MARCHF8: variants seen among roughly 807,000 people sequenced by gnomAD.
MARCHF8 encodes the protein membrane associated ring-CH-type finger 8, also known as E3 ubiquitin-protein ligase MARCHF8.
Under a neutral mutation model 51.6 loss-of-function variants are expected in MARCHF8, and 40 were observed. That is an observed-to-expected ratio of 0.77 (90% CI 0.60 to 1.01). MARCHF8 has a LOEUF of 1.01. Ranked by LOEUF, MARCHF8 falls within the 50% of genes least tolerant of loss-of-function variation. The probability of loss-of-function intolerance (pLI) is 0.00; values close to 1 mark genes in which losing one functional copy is unlikely to be tolerated. For missense variants in MARCHF8, 685 were observed against 708.6 expected (o/e 0.97, Z 0.38); for synonymous variants, 263 against 280.3 (o/e 0.94, Z 0.62).
At chr10:45,515,531 TTA>T (rs1361522270) in intron 2 of MARCHF8, among the ~76,000 whole-genome samples, 1 of 152,236 alleles carries the variant, frequency 6.6e-6, no homozygotes, top group Non-Finnish European at 1.5e-5. Context: ...ACTTCTGAAC[TTA>T]TGTTTTATAA....
intron 1 of MARCHF8, among the ~76,000 whole-genome samples, chr10:45,544,483 C>T (rs1383207114): frequency 6.6e-6 from 1 of 152,114 alleles, no homozygotes; most frequent in East Asian, 1.9e-4. Flanking sequence ...TGTCCACCAA[C>T]TAAAGAATAG....
At chr10:45,535,897 G>A (rs186336782), upstream of MARCHF8, among the ~76,000 whole-genome samples, 6 of 152,268 alleles carry the variant, frequency 3.9e-5, no homozygotes, top group East Asian at 1.2e-3. Flanking sequence ...AAGAGATACT[G>A]CCAAAGCTGG....
intron 1 of MARCHF8, among the ~76,000 whole-genome samples, chr10:45,544,741 A>AAAGGAAATGTCTCT (rs1468495229): frequency 6.6e-6 from 1 of 152,198 alleles, no homozygotes; most frequent in East Asian, 1.9e-4. Flanking sequence ...CTTTGGGGGC[A>AAAGGAAATGTCTCT]AAGGAAATGT....
In MARCHF8 at chr10:45,487,841, T is replaced by C. The variant is rs2043010333; in HGVS notation, c.153+1526A>G. ...ACATTAAAATGGCATATAATGTAACTGTTCATTTCAGAGTATCTAGGAGGC... is the reference window on the plus strand; with the variant it reads ...ACATTAAAATGGCATATAATGTAACCGTTCATTTCAGAGTATCTAGGAGGC... On this transcript the variant is annotated intron_variant, in intron 3 of 7. Coordinates refer to ENST00000453424, the MANE Select transcript of MARCHF8 (RefSeq NM_001282866.2). Among the ~76,000 whole-genome samples, 3 of 152,100 alleles carry C rather than the reference T, an allele frequency of 2.0e-5. No homozygotes were observed. The South Asian group carries it at 6.2e-4, about 32-fold the overall frequency.
At chr10:45,479,345 A>T (rs2042844093) in intron 3 of MARCHF8, among the ~76,000 whole-genome samples, 1 of 152,260 alleles carries the variant, frequency 6.6e-6, no homozygotes, top group Non-Finnish European at 1.5e-5. Context: ...AAATACTGCA[A>T]TATTAATAAA....
At chr10:45,534,627 G>T (rs780571042) in intron 1 of MARCHF8, among the ~76,000 whole-genome samples, 1 of 152,128 alleles carries the variant, frequency 6.6e-6, no homozygotes, top group Non-Finnish European at 1.5e-5. Flanking sequence ...AACAGAAAAT[G>T]GAAGCCTTCA....
At position 45,456,014 on chromosome 10, in the gene MARCHF8, G is replaced by GT. The variant is rs1842593478; in HGVS notation, c.*2224dup. 1 of 152,260 alleles carries GT rather than the reference G, an allele frequency of 6.6e-6. No homozygotes were observed. Among genetic ancestry groups the GT allele is most frequent in the Non-Finnish European group, 1.5e-5 (1 of 68,050 alleles). The allele number at this position is 152,260 out of a possible 1,614,324, so 9.4% of individuals were successfully genotyped here. A position where few individuals can be genotyped will look rare whatever the true frequency, so the allele number is the denominator to read the frequency against. ...ACTTTCTTGTCTACAGGAAGTCTTG[G>GT]TGCTTTTCAAGTTCAGCATAAGGGG... On this transcript the variant is annotated 3_prime_UTR_variant, in exon 8 of 8. Transcript: ENST00000453424.
chr10:45,482,627 ACCTGTAATCT>A (rs927174423), intron 3 of MARCHF8, among the ~76,000 whole-genome samples: 1 of 152,142 alleles, frequency 6.6e-6, no homozygotes, highest in African/African-American at 2.4e-5. Flanking sequence ...GGTGGTATGC[ACCTGTAATCT>A]CAGCTAATCA....
intron 1 of MARCHF8, among the ~76,000 whole-genome samples, chr10:45,568,728 A>C (rs980453752): frequency 7.6e-4 from 102 of 133,864 alleles, no homozygotes; most frequent in Non-Finnish European, 6.8e-4. Flanking sequence ...AAAAAAAAAA[A>C]AAAAAAAAAA....
Position 45,523,486 on chromosome 10 carries a change from T to A in MARCHF8, c.102+9624A>T, listed in dbSNP as rs191678210. ...CTGCAGTGAGCTATGATCATGCCAC[T>A]GCACTCCAGCCTGTGAGAGTGAGAC... On this transcript the variant is annotated intron_variant, in intron 2 of 7. Coordinates refer to ENST00000453424, the MANE Select transcript of MARCHF8 (RefSeq NM_001282866.2). Among the ~76,000 whole-genome samples, 324 of 152,344 alleles carry A rather than the reference T, an allele frequency of 2.1e-3. 2 individuals carry two copies. The highest frequency in any genetic ancestry group is 7.4e-3 in the African/African-American group (309 of 41,576).
At chr10:45,511,166 A>T (rs1014769149) in intron 2 of MARCHF8, among the ~76,000 whole-genome samples, 3 of 152,270 alleles carry the variant, frequency 2.0e-5, no homozygotes, top group Admixed American at 2.0e-4. Context: ...TTTTCTGAAT[A>T]TGAAGTAAGG....
In MARCHF8 at chr10:45,455,746, A is replaced by T. The variant is rs1216525904; in HGVS notation, c.*2493T>A. On this transcript the variant is annotated 3_prime_UTR_variant, in exon 8 of 8. Transcript: ENST00000453424. ...CAGGAGCTGAACTAGAACCTTCAAG[A>T]AAAGAAAAGGCAAGGGGGTGGCTCT... 6.6e-6 allele frequency: 1 copy of T among 152,402 alleles called. No homozygotes were observed. The highest frequency in any genetic ancestry group is 1.5e-5 in the Non-Finnish European group (1 of 68,194). The allele number at this position is 152,402 out of a possible 1,614,324, so 9.4% of individuals were successfully genotyped here. A position where few individuals can be genotyped will look rare whatever the true frequency, so the allele number is the denominator to read the frequency against.
At chr10:45,536,792 T>C (rs2043976523), upstream of MARCHF8, among the ~76,000 whole-genome samples, 1 of 147,904 alleles carries the variant, frequency 6.8e-6, no homozygotes, top group Non-Finnish European at 1.5e-5. Flanking sequence ...GGCCAGGAGT[T>C]CAAAACCAGT....
At chr10:45,498,810 A>C (rs1254916566) in intron 2 of MARCHF8, among the ~76,000 whole-genome samples, 1 of 152,210 alleles carries the variant, frequency 6.6e-6, no homozygotes, top group African/African-American at 2.4e-5. Context: ...ATGTGAAACT[A>C]TATGCAATAA....
intron 1 of MARCHF8, among the ~76,000 whole-genome samples, chr10:45,562,999 C>T (rs2044327487): frequency 2.0e-5 from 3 of 151,026 alleles, no homozygotes; most frequent in African/African-American, 7.3e-5. Context: ...CACATATATA[C>T]AGTCTCTCTC....
At chr10:45,548,881 G>C (rs2044160467) in intron 1 of MARCHF8, among the ~76,000 whole-genome samples, 1 of 151,796 alleles carries the variant, frequency 6.6e-6, no homozygotes. Flanking sequence ...TGTAATCCCA[G>C]CTACTCAGGA....
chr10:45,481,237 G>T lies in MARCHF8; in HGVS notation c.153+8130C>A, dbSNP rs528805293. Among the ~76,000 whole-genome samples, 180 of 152,308 alleles carry T rather than the reference G, an allele frequency of 1.2e-3. 1 individual carries two copies. The highest frequency in any genetic ancestry group is 3.8e-3 in the African/African-American group (160 of 41,582). On this transcript the variant is annotated intron_variant, in intron 3 of 7. Transcript: ENST00000453424. ...ATTGTATCTAGAAACTAACTAACTT[G>T]ATTTTGATTTTACAGGCTCACAGGT...
intron 3 of MARCHF8, among the ~76,000 whole-genome samples, chr10:45,479,463 T>C (rs952637266): frequency 6.6e-6 from 1 of 152,176 alleles, no homozygotes; most frequent in Non-Finnish European, 1.5e-5. Flanking sequence ...GCTGATATGA[T>C]TTGGCTGTGT....
intron 1 of MARCHF8, among the ~76,000 whole-genome samples, chr10:45,557,331 G>C (rs1008155474): frequency 6.6e-6 from 1 of 151,628 alleles, no homozygotes; most frequent in African/African-American, 2.4e-5. Flanking sequence ...GTTTTGCCAC[G>C]TTGGCCAGGC....
Sources: gnomAD v4.1 joint callset for allele counts (sites outside exome capture counted in the v4.1 genomes callset) on GRCh38, gnomAD v4.1.1 for gene constraint, MANE v1.5 for transcripts, NCBI Gene and HGNC (gene_info 2026-07-23, HGNC 2026-07-21) for gene names.